CIT: variants seen among roughly 807,000 people sequenced by gnomAD.
CIT encodes the protein citron Rho-interacting kinase.
CIT carries 79 observed loss-of-function variants against 272.7 expected under a neutral mutation model. The observed-to-expected ratio is 0.29, with a 90% CI of 0.24 to 0.35. The LOEUF is 0.35. CIT is among the 10% of genes least tolerant of loss of function. CIT has a pLI of 1.00. For missense variants in CIT, 1,909 were observed against 2,618.3 expected (o/e 0.73, Z 5.91); for synonymous variants, 948 against 995.6 (o/e 0.95, Z 0.90).
intron 39 of CIT, among the ~76,000 whole-genome samples, chr12:119,709,019 C>T (rs11064880): frequency 0.017 from 2,562 of 147,798 alleles, 35 homozygotes; most frequent in Non-Finnish European, 0.03. Flanking sequence ...GGCTGAGGAA[C>T]CGTTCAGATT....
chr12:119,868,092 C>T (rs1038105281), intron 3 of CIT, among the ~76,000 whole-genome samples: 24 of 151,932 alleles, frequency 1.6e-4, no homozygotes, highest in African/African-American at 5.3e-4. Flanking sequence ...ATTAGCTGGG[C>T]GTGGTAGTGT....
chr12:119,777,669 CAAAAAAACAA>C lies in CIT; in HGVS notation c.1666-837_1666-828del, dbSNP rs556049643. Among the ~76,000 whole-genome samples the C allele has an allele frequency of 4.2e-3, 451 of 107,314 alleles. 2 individuals are homozygous for C. Among genetic ancestry groups the C allele is most frequent in the African/African-American group, 0.013 (426 of 31,828 alleles). The allele number at this position is 107,314 out of a possible 152,430, so 70.4% of individuals were successfully genotyped here. A position where few individuals can be genotyped will look rare whatever the true frequency, so the allele number is the denominator to read the frequency against. ...TGGGTGACAGAGCAAGACTCCGTCT[CAAAAAAACAA>C]AAAAAAACAAAAAAAAACACTTTTA... is the stretch of plus-strand genomic sequence containing the variant. On this transcript the variant is annotated intron_variant, in intron 13 of 47. Coordinates refer to ENST00000392521, the MANE Select transcript of CIT (RefSeq NM_001206999.2).
chr12:119,708,375 G>A, intron 39 of CIT, 57 bp from the exon 40 acceptor site: 1 of 1,419,730 alleles, frequency 7.0e-7, no homozygotes, highest in South Asian at 1.7e-5. Context: ...TAAAGGTACG[G>A]GATGGTGGTT....
chr12:119,787,971 T>C (rs1964958794), intron 10 of CIT, among the ~76,000 whole-genome samples: 1 of 152,200 alleles, frequency 6.6e-6, no homozygotes, highest in Non-Finnish European at 1.5e-5. Context: ...ACTGTCATTG[T>C]TGTGTTTTCC....
chr12:119,700,677 G>T (rs572280850), intron 44 of CIT, 68 bp downstream of exon 44: 2 of 1,325,320 alleles, frequency 1.5e-6, no homozygotes, highest in East Asian at 2.3e-5. Context: ...CACCGCACCC[G>T]GATGCAATTC....
intron 8 of CIT, among the ~76,000 whole-genome samples, chr12:119,823,263 A>G (rs2138048318): frequency 6.6e-6 from 1 of 152,244 alleles, no homozygotes; most frequent in East Asian, 1.9e-4. Context: ...TTTGCTGTCC[A>G]ACAATGATGA....
At chr12:119,807,261 G>C (rs1213883163) in intron 9 of CIT, among the ~76,000 whole-genome samples, 1 of 152,180 alleles carries the variant, frequency 6.6e-6, no homozygotes, top group Non-Finnish European at 1.5e-5. Context: ...GACAGAATGA[G>C]AAGATCCAAT....
At chr12:119,816,056 A>G (rs1967157174) in intron 9 of CIT, among the ~76,000 whole-genome samples, 1 of 152,222 alleles carries the variant, frequency 6.6e-6, no homozygotes, top group Non-Finnish European at 1.5e-5. Context: ...GACCTGCCTC[A>G]CAGAGGTTTG....
intron 46 of CIT, among the ~76,000 whole-genome samples, chr12:119,695,306 G>C (rs1381610160): frequency 6.6e-6 from 1 of 152,066 alleles, no homozygotes; most frequent in Non-Finnish European, 1.5e-5. Flanking sequence ...CAGGATTGAA[G>C]CTCCCCAAAA....
chr12:119,762,702 A>G (rs1566005502), intron 19 of CIT, among the ~76,000 whole-genome samples: 1 of 152,202 alleles, frequency 6.6e-6, no homozygotes, highest in Non-Finnish European at 1.5e-5. Context: ...GATACCAATA[A>G]GAGGTAAGTA....
At position 119,783,902 on chromosome 12, in the gene CIT, G is replaced by A; in HGVS notation, c.1545+6C>T. On this transcript the variant is annotated splice_donor_region_variant and intron_variant, in intron 12 of 47. Coordinates refer to ENST00000392521, the MANE Select transcript of CIT (RefSeq NM_001206999.2). ...CCAAGGGAAGGGGGCTTCAGGGAAGGCTCACACTGCATTCTGTGATGTAGG... is the reference window on the plus strand; with the variant it reads ...CCAAGGGAAGGGGGCTTCAGGGAAGACTCACACTGCATTCTGTGATGTAGG... 6.4e-7 allele frequency: 1 copy of A among 1,573,122 alleles called. No homozygotes were observed. The highest frequency in any genetic ancestry group is 8.6e-7 in the Non-Finnish European group (1 of 1,162,198).
chr12:119,812,985 A>G (rs1966867812), intron 9 of CIT, among the ~76,000 whole-genome samples: 1 of 152,178 alleles, frequency 6.6e-6, no homozygotes, highest in Non-Finnish European at 1.5e-5. Flanking sequence ...CATAGCAGGC[A>G]CTCAACCAAC....
At chr12:119,825,024 TCTC>T in intron 8 of CIT, 138 bp downstream of exon 8, 1 of 623,104 alleles carries the variant, frequency 1.6e-6, no homozygotes, top group Non-Finnish European at 2.8e-6. Flanking sequence ...ATGGTCTCGA[TCTC>T]CTGACCTCGT....
intron 3 of CIT, among the ~76,000 whole-genome samples, chr12:119,866,094 C>A (rs1950507851): frequency 6.6e-6 from 1 of 152,004 alleles, no homozygotes; most frequent in East Asian, 1.9e-4. Flanking sequence ...GATCACAACA[C>A]CTCACCTCCA....
At chr12:119,817,371 G>T (rs1967286434) in intron 9 of CIT, among the ~76,000 whole-genome samples, 1 of 152,086 alleles carries the variant, frequency 6.6e-6, no homozygotes, top group South Asian at 2.1e-4. Flanking sequence ...AATTAGCCGG[G>T]CGTGTTGGCG....
intron 7 of CIT, among the ~76,000 whole-genome samples, chr12:119,831,204 T>A (rs1968603088): frequency 6.6e-6 from 1 of 152,202 alleles, no homozygotes; most frequent in South Asian, 2.1e-4. Flanking sequence ...TATTTTAACT[T>A]TTTTTCTGTG....
At position 119,721,258 on chromosome 12, in the gene CIT, C is replaced by A. The variant is rs550509342; in HGVS notation, c.3732+51G>T. Reference sequence around the variant, plus strand: ...CTGGGATTACAGGCATGAGCCACTGCGCCCAGCCGTGCAGACCATTTTTAA... The same window carrying A: ...CTGGGATTACAGGCATGAGCCACTGAGCCCAGCCGTGCAGACCATTTTTAA... On this transcript the variant is annotated intron_variant, in intron 29 of 47. Transcript: ENST00000392521. 107 of 1,531,100 alleles carry A rather than the reference C, an allele frequency of 7.0e-5. 2 individuals carry two copies. The South Asian group carries it at 1.2e-3, about 17-fold the overall frequency. The allele number at this position is 1,531,100 out of a possible 1,614,324, so 94.8% of individuals were successfully genotyped here.
At chr12:119,724,514 G>A (rs1194153999) in intron 28 of CIT, among the ~76,000 whole-genome samples, 1 of 152,142 alleles carries the variant, frequency 6.6e-6, no homozygotes, top group East Asian at 1.9e-4. Context: ...TTAGGCCAAG[G>A]TTCAACGGGG....
intron 10 of CIT, among the ~76,000 whole-genome samples, chr12:119,787,185 A>G (rs4766948): frequency 0.44 from 66,251 of 151,550 alleles, 15,123 homozygotes; most frequent in Admixed American, 0.56. Flanking sequence ...GGCTGGTCTC[A>G]AATTCCTGGG....
Sources: gnomAD v4.1 joint callset for allele counts (sites outside exome capture counted in the v4.1 genomes callset) on GRCh38, gnomAD v4.1.1 for gene constraint, MANE v1.5 for transcripts, NCBI Gene and HGNC (gene_info 2026-07-23, HGNC 2026-07-21) for gene names.